HMCN1: variants seen among roughly 807,000 people sequenced by gnomAD.
HMCN1 encodes the protein hemicentin 1.
HMCN1 carries 321 observed loss-of-function variants against 625.9 expected under a neutral mutation model. That is an observed-to-expected ratio of 0.51 (90% CI 0.47 to 0.56). The LOEUF (loss-of-function observed/expected upper bound fraction) is 0.56, where lower values mean the gene tolerates loss of function less well. Ranked by LOEUF, HMCN1 falls within the 20% of genes least tolerant of loss-of-function variation. The pLI, the probability that HMCN1 is intolerant of heterozygous loss-of-function variation, is 0.00. For missense variants in HMCN1, 6,588 were observed against 6,887.3 expected (o/e 0.96, Z 1.54); for synonymous variants, 2,425 against 2,417.6 (o/e 1.00, Z -0.09).
chr1:185,863,210 A>G (rs1049018081), intron 2 of HMCN1, among the ~76,000 whole-genome samples: 4 of 152,202 alleles, frequency 2.6e-5, no homozygotes, highest in South Asian at 2.1e-4. Context: ...CTCTGCTGCC[A>G]TAAAGCCCAC....
At chr1:186,096,792 A>G (rs546560387) in intron 68 of HMCN1, among the ~76,000 whole-genome samples, 11 of 152,290 alleles carry the variant, frequency 7.2e-5, no homozygotes, top group African/African-American at 2.4e-4. Flanking sequence ...GACAAAAATC[A>G]TATGATCATT....
intron 22 of HMCN1, 66 bp from the exon 23 acceptor site, chr1:185,993,116 G>A: frequency 6.8e-7 from 1 of 1,480,190 alleles, no homozygotes; most frequent in Admixed American, 1.7e-5. Flanking sequence ...ATACTGAAGT[G>A]TAGCTGCATA....
intron 1 of HMCN1, among the ~76,000 whole-genome samples, chr1:185,756,122 GA>G (rs1163465965): frequency 2.0e-5 from 3 of 152,150 alleles, no homozygotes; most frequent in Non-Finnish European, 2.9e-5. Flanking sequence ...AAATCAATAA[GA>G]TAGTGTGAAT....
intron 80 of HMCN1, among the ~76,000 whole-genome samples, chr1:186,121,508 A>G (rs1294504667): frequency 6.6e-6 from 1 of 152,122 alleles, no homozygotes; most frequent in Non-Finnish European, 1.5e-5. Context: ...TAGGTTAGGA[A>G]TAGAAAATTA....
intron 13 of HMCN1, 97 bp from the exon 14 acceptor site, chr1:185,965,705 G>A: frequency 1.3e-6 from 1 of 773,128 alleles, no homozygotes; most frequent in Admixed American, 1.8e-5. Flanking sequence ...ATGGCCACAA[G>A]CACATAAATT....
chr1:186,099,059 A>C (rs1459929349), intron 68 of HMCN1, among the ~76,000 whole-genome samples: 1 of 152,092 alleles, frequency 6.6e-6, no homozygotes, highest in Non-Finnish European at 1.5e-5. Flanking sequence ...AGTTACAATT[A>C]GAAAGGAAGA....
chr1:185,792,505 C>CA (rs1658074841), intron 1 of HMCN1, among the ~76,000 whole-genome samples: 1 of 147,934 alleles, frequency 6.8e-6, no homozygotes, highest in Non-Finnish European at 1.5e-5. Context: ...GACACAATAT[C>CA]AAAAAATAAA....
In HMCN1 at chr1:186,189,088, G is replaced by C. The variant is rs1375431589; in HGVS notation, c.16542-424G>C. 3.3e-5 allele frequency among the ~76,000 whole-genome samples: 5 copies of C among 152,244 alleles called. No individual in the cohort carries two copies. In the East Asian group the frequency reaches 9.7e-4, roughly 29 times the overall value. Reference sequence around the variant, plus strand: ...ACCTTTTATTATTTTTAGAAAAAATGTCAATATATTTTGTTTCACCTTTTA... The same window carrying C: ...ACCTTTTATTATTTTTAGAAAAAATCTCAATATATTTTGTTTCACCTTTTA... On this transcript the variant is annotated intron_variant, in intron 106 of 106. Coordinates refer to ENST00000271588, the MANE Select transcript of HMCN1 (RefSeq NM_031935.3).
intron 1 of HMCN1, among the ~76,000 whole-genome samples, chr1:185,788,870 C>T (rs576021385): frequency 7.9e-4 from 120 of 152,016 alleles, no homozygotes; most frequent in Admixed American, 2.2e-3. Context: ...GAAGGAATCA[C>T]GGGAATTTGA....
At chr1:185,777,456 CTTTTTT>C (rs543632992) in intron 1 of HMCN1, among the ~76,000 whole-genome samples, 244 of 146,380 alleles carry the variant, frequency 1.7e-3, no homozygotes, top group African/African-American at 5.9e-3. Flanking sequence ...CTTTCTTTTT[CTTTTTT>C]TTTTTTCTGA....
At chr1:185,849,711 A>G (rs1033060683) in intron 2 of HMCN1, among the ~76,000 whole-genome samples, 6 of 152,144 alleles carry the variant, frequency 3.9e-5, no homozygotes, top group East Asian at 1.9e-4. Flanking sequence ...TATTTTGTCC[A>G]TGTCTCCATT....
In HMCN1 at chr1:185,780,521, C is replaced by T. The variant is rs368362714; in HGVS notation, c.268+45474C>T. 7.6e-4 allele frequency among the ~76,000 whole-genome samples: 115 copies of T among 152,260 alleles called. 1 individual carries two copies. Among genetic ancestry groups the T allele is most frequent in the South Asian group, 4.2e-4 (2 of 4,810 alleles). On this transcript the variant is annotated intron_variant, in intron 1 of 106. Transcript: ENST00000271588. The stretch of plus-strand genomic sequence containing the variant: ...GCTCTTATTATTTTGATGTACATCC[C>T]ATCAATACCTAATTTATTGAGAGTT...
chr1:185,781,396 G>T (rs1264985712), intron 1 of HMCN1, among the ~76,000 whole-genome samples: 1 of 151,996 alleles, frequency 6.6e-6, no homozygotes, highest in Non-Finnish European at 1.5e-5. Flanking sequence ...TTTAGCTTTT[G>T]AATGTTTTGC....
chr1:185,829,796 T>C (rs1298406205), intron 1 of HMCN1, among the ~76,000 whole-genome samples: 1 of 152,168 alleles, frequency 6.6e-6, no homozygotes, highest in Non-Finnish European at 1.5e-5. Flanking sequence ...GGTCAAATGG[T>C]ATTTCTGGTT....
intron 54 of HMCN1, among the ~76,000 whole-genome samples, 166 bp from the exon 55 acceptor site, chr1:186,077,941 T>C (rs1196215463): frequency 6.6e-6 from 1 of 152,206 alleles, no homozygotes; most frequent in African/African-American, 2.4e-5. Flanking sequence ...AATAATGCAG[T>C]GTTTGTTGTA....
At chr1:186,134,228 T>C (rs1649429777) in intron 86 of HMCN1, among the ~76,000 whole-genome samples, 1 of 152,202 alleles carries the variant, frequency 6.6e-6, no homozygotes, top group South Asian at 2.1e-4. Context: ...AATTGAAGTA[T>C]GTACATATGG....
intron 14 of HMCN1, among the ~76,000 whole-genome samples, chr1:185,970,035 C>T (rs1571637368): frequency 6.6e-6 from 1 of 152,282 alleles, no homozygotes; most frequent in East Asian, 1.9e-4. Flanking sequence ...TTCATTTCCC[C>T]ACTCCCTTGT....
chr1:185,968,799 A>G (rs1433292295), intron 14 of HMCN1, among the ~76,000 whole-genome samples: 3 of 152,126 alleles, frequency 2.0e-5, no homozygotes, highest in Non-Finnish European at 4.4e-5. Flanking sequence ...ACCTAATATT[A>G]AAAGTAAATA....
chr1:186,108,602 AT>A lies in HMCN1; in HGVS notation c.10989+11del. The A allele has an allele frequency of 6.2e-7, 1 of 1,614,066 alleles. No individual in the cohort carries two copies. Among genetic ancestry groups the A allele is most frequent in the Non-Finnish European group, 8.5e-7 (1 of 1,179,970 alleles). On this transcript the variant is annotated splice_donor_region_variant and intron_variant, in intron 71 of 106. Coordinates refer to ENST00000271588, the MANE Select transcript of HMCN1 (RefSeq NM_031935.3). ...AGAAATGGAGAACGGTTACAGGTAAATTTTTTGATAAGCTCCACAAATTCCT... is the reference window on the plus strand; with the variant it reads ...AGAAATGGAGAACGGTTACAGGTAAATTTTTGATAAGCTCCACAAATTCCT...
Sources: gnomAD v4.1 joint callset for allele counts (sites outside exome capture counted in the v4.1 genomes callset) on GRCh38, gnomAD v4.1.1 for gene constraint, MANE v1.5 for transcripts, NCBI Gene and HGNC (gene_info 2026-07-23, HGNC 2026-07-21) for gene names.